The following NTRK3 variants were observed in gnomAD, a reference collection of about 807,000 sequenced individuals.
NTRK3 encodes NT-3 growth factor receptor.
In NTRK3, 24 loss-of-function variants were observed where a neutral mutation model predicts 91.7. That is an observed-to-expected ratio of 0.26 (90% CI 0.19 to 0.37). NTRK3 has a LOEUF of 0.37. NTRK3 is among the 10% of genes least tolerant of loss of function. The pLI, the probability that NTRK3 is intolerant of heterozygous loss-of-function variation, is 1.00. For synonymous variants in NTRK3, 483 were observed against 404.0 expected, an observed-to-expected ratio of 1.20 and a Z score of -2.34; for missense variants, 880 against 1,068.9, an observed-to-expected ratio of 0.82 and a Z score of 2.46.
At chr15:87,960,959 C>G (rs997689869) in intron 14 of NTRK3, among the ~76,000 whole-genome samples, 1 of 152,212 alleles carries the variant, frequency 6.6e-6, no homozygotes, top group Non-Finnish European at 1.5e-5. Context: ...CTTCACCCCC[C>G]TGACTTTACC....
chr15:87,941,688 G>GGT (rs750345711), intron 14 of NTRK3, among the ~76,000 whole-genome samples: 5 of 152,168 alleles, frequency 3.3e-5, no homozygotes, highest in Non-Finnish European at 7.3e-5. Flanking sequence ...CAAGAACGAG[G>GGT]GTGTGTGCAG....
Position 88,212,700 on chromosome 15 carries a change from TCACACACACA to T in NTRK3, c.249-28411_249-28402del, listed in dbSNP as rs60620542. On this transcript the variant is annotated intron_variant, in intron 3 of 18. Coordinates refer to ENST00000394480, the Ensembl canonical transcript of NTRK3. ...CATGGAAGCTGTTTTGGCTGCTGCA[TCACACACACA>T]CACACACACACACACACACACACAC... 3.5e-3 allele frequency among the ~76,000 whole-genome samples: 509 copies of T among 146,208 alleles called. 5 individuals are homozygous for T. The highest frequency in any genetic ancestry group is 0.011 in the African/African-American group (428 of 38,266).
chr15:88,212,786 T>C (rs375723941), intron 3 of NTRK3, among the ~76,000 whole-genome samples: 2 of 151,404 alleles, frequency 1.3e-5, no homozygotes, highest in East Asian at 1.9e-4. Context: ...GCCAGCAGTA[T>C]GTCCCACTCT....
intron 17 of NTRK3, among the ~76,000 whole-genome samples, chr15:87,906,696 C>T (rs746999444): frequency 6.6e-6 from 1 of 152,126 alleles, no homozygotes; most frequent in African/African-American, 2.4e-5. Context: ...TAAAATATTT[C>T]GTATTCTTTA....
At chr15:87,903,694 G>T (rs1321601276) in intron 17 of NTRK3, among the ~76,000 whole-genome samples, 2 of 152,196 alleles carry the variant, frequency 1.3e-5, no homozygotes, top group Non-Finnish European at 2.9e-5. Context: ...ATGAGGACAT[G>T]CGATACCCTG....
exon 19 of NTRK3, chr15:87,872,488 GGCCT>G: frequency 4.4e-6 from 1 of 227,912 alleles, no homozygotes; most frequent in Non-Finnish European, 8.7e-6. Flanking sequence ...GATTTCCAGT[GGCCT>G]GCATGAGAGA....
intron 13 of NTRK3, among the ~76,000 whole-genome samples, chr15:88,063,887 G>C (rs2046426103): frequency 6.6e-6 from 1 of 152,140 alleles, no homozygotes; most frequent in African/African-American, 2.4e-5. Flanking sequence ...CTTCTGTCTT[G>C]GTCACTGTAG....
intron 14 of NTRK3, among the ~76,000 whole-genome samples, chr15:87,953,908 C>T (rs550963085): frequency 1.3e-5 from 2 of 152,258 alleles, no homozygotes; most frequent in African/African-American, 4.8e-5. Context: ...TTCTAGCCCC[C>T]TTGCCCATCT....
chr15:88,138,744 TC>T (rs946338597), intron 6 of NTRK3, among the ~76,000 whole-genome samples: 1 of 152,238 alleles, frequency 6.6e-6, no homozygotes, highest in African/African-American at 2.4e-5. Flanking sequence ...TATTTGTCTT[TC>T]TAGAATTTAT....
chr15:88,171,910 G>C (rs2045556045), intron 5 of NTRK3, among the ~76,000 whole-genome samples: 1 of 152,264 alleles, frequency 6.6e-6, no homozygotes, highest in African/African-American at 2.4e-5. Flanking sequence ...CCCCCATGGG[G>C]CGTACACATC....
At chr15:88,012,348 T>C (rs1567226286) in intron 14 of NTRK3, among the ~76,000 whole-genome samples, 1 of 152,124 alleles carries the variant, frequency 6.6e-6, no homozygotes, top group Non-Finnish European at 1.5e-5. Flanking sequence ...TATTCACAAA[T>C]AAAATGCAGA....
exon 14 of NTRK3, chr15:88,032,860 T>A (rs1290172125): frequency 1.2e-6 from 2 of 1,613,714 alleles, no homozygotes. Context: ...TACTTACACG[T>A]GTCCGGCTTG....
intron 3 of NTRK3, among the ~76,000 whole-genome samples, chr15:88,247,266 TC>T (rs993491375): frequency 2.0e-5 from 3 of 152,004 alleles, no homozygotes; most frequent in Admixed American, 6.5e-5. Context: ...CCCGAACCCC[TC>T]AGTCCCAGAG....
intron 10 of NTRK3, among the ~76,000 whole-genome samples, chr15:88,131,412 T>C (rs1322949847): frequency 1.3e-5 from 2 of 152,196 alleles, no homozygotes; most frequent in African/African-American, 4.8e-5. Flanking sequence ...GTACACGCAG[T>C]TCGGTTGCTT....
intron 13 of NTRK3, among the ~76,000 whole-genome samples, chr15:88,088,305 T>C (rs1271634465): frequency 2.0e-5 from 3 of 152,194 alleles, no homozygotes; most frequent in Admixed American, 6.5e-5. Flanking sequence ...GTAATCATAA[T>C]AGTTGTTGTT....
Position 88,127,147 on chromosome 15 carries a change from C to T in NTRK3, c.1293+15G>A. ...TGCCAGTCAACACACTCCTCTTGACCAAGAAGTGACTCACCCCAAAAGTGT... is the reference window on the plus strand; with the variant it reads ...TGCCAGTCAACACACTCCTCTTGACTAAGAAGTGACTCACCCCAAAAGTGT... On this transcript the variant is annotated intron_variant, in intron 12 of 18. Transcript: ENST00000394480. 2 of 1,611,412 alleles carry T rather than the reference C, an allele frequency of 1.2e-6. No homozygotes were observed. The highest frequency in any genetic ancestry group is 1.7e-6 in the Non-Finnish European group (2 of 1,178,006).
At position 87,991,919 on chromosome 15, in the gene NTRK3, A is replaced by AT. The variant is rs575556849; in HGVS notation, c.1585+40937dup. 3.7e-3 allele frequency among the ~76,000 whole-genome samples: 542 copies of AT among 146,458 alleles called. 2 individuals are homozygous for AT. The highest frequency in any genetic ancestry group is 0.018 in the East Asian group (92 of 5,012). On this transcript the variant is annotated intron_variant, in intron 14 of 18. Transcript: ENST00000394480. Reference sequence around the variant, plus strand: ...TGTCTATCTCCCAGATGCTGTTGTGATTTTTTTTTTTAATTTTAAAGGCAC... The same window carrying AT: ...TGTCTATCTCCCAGATGCTGTTGTGATTTTTTTTTTTTAATTTTAAAGGCAC...
chr15:88,002,423 C>T lies in NTRK3; in HGVS notation c.1585+30434G>A, dbSNP rs199775903. On this transcript the variant is annotated intron_variant, in intron 14 of 18. Transcript: ENST00000394480. ...CTGTGATAGTGTTTATGTGCCCCAG[C>T]CCTCATCCCTGATGACTAAGATTGC... Among the ~76,000 whole-genome samples the T allele has an allele frequency of 2.1e-4, 32 of 152,082 alleles. 1 individual carries two copies. In the East Asian group the frequency reaches 5.8e-3, roughly 28 times the overall value.
At chr15:87,970,382 G>C (rs1382457393) in intron 14 of NTRK3, among the ~76,000 whole-genome samples, 13 of 152,216 alleles carry the variant, frequency 8.5e-5, no homozygotes, top group Admixed American at 8.5e-4. Context: ...CTACGTAGAA[G>C]GCAGAAGTGA....
Sources: allele counts gnomAD v4.1 joint callset (sites outside exome capture counted in the v4.1 genomes callset), GRCh38; gene constraint gnomAD v4.1.1; transcripts MANE v1.5; gene names NCBI Gene and HGNC (gene_info 2026-07-23, HGNC 2026-07-21).